The following MAP2K1 variants were observed in gnomAD, a reference collection of about 807,000 sequenced individuals.
MAP2K1 encodes the protein dual specificity mitogen-activated protein kinase kinase 1.
In MAP2K1, 16 loss-of-function variants were observed where a neutral mutation model predicts 46.3. The ratio of observed to expected loss-of-function variants is 0.35; its 90% confidence interval spans 0.23 to 0.52. The LOEUF (loss-of-function observed/expected upper bound fraction) is 0.52, where lower values mean the gene tolerates loss of function less well. MAP2K1 is among the 20% of genes least tolerant of loss of function. The pLI, the probability that MAP2K1 is intolerant of heterozygous loss-of-function variation, is 0.94. For missense variants in MAP2K1, 263 were observed against 497.1 expected (o/e 0.53, Z 4.48); for synonymous variants, 183 against 185.6 (o/e 0.99, Z 0.11).
At chr15:66,475,236 T>C (rs1892728701) in intron 5 of MAP2K1, among the ~76,000 whole-genome samples, 1 of 152,236 alleles carries the variant, frequency 6.6e-6, no homozygotes, top group African/African-American at 2.4e-5. Context: ...GTCAGCTCCC[T>C]TTCTCTCTGT....
intron 1 of MAP2K1, among the ~76,000 whole-genome samples, chr15:66,430,315 C>T (rs543567905): frequency 1.3e-5 from 2 of 152,276 alleles, no homozygotes; most frequent in Middle Eastern, 3.4e-3. Flanking sequence ...CCCACCTGCA[C>T]GGGGACCCTT....
At position 66,489,231 on chromosome 15, in the gene MAP2K1, C is replaced by A. The variant is rs2140682960; in HGVS notation, c.977C>A (p.Pro326His). 1 of 1,613,968 alleles carries A rather than the reference C, an allele frequency of 6.2e-7. No individual in the cohort carries two copies. The highest frequency in any genetic ancestry group is 8.5e-7 in the Non-Finnish European group (1 of 1,179,938). The change falls in exon 9 of 11, where the codon CCC (proline) becomes CAC (histidine). Residue 326 changes from proline to histidine, a missense_variant. Coordinates refer to ENST00000307102, the MANE Select transcript of MAP2K1 (RefSeq NM_002755.4). ...YIVNEPPPKL[P>H]SGVFSLEFQD... is the part of the protein sequence containing the mutation. Reference sequence around the variant, plus strand: ...TGTTTGCAGCCTCCTCCAAAACTGCCCAGTGGAGTGTTCAGTCTGGAATTT... The same window carrying A: ...TGTTTGCAGCCTCCTCCAAAACTGCACAGTGGAGTGTTCAGTCTGGAATTT...
At chr15:66,438,442 T>G (rs548988581) in intron 3 of MAP2K1, among the ~76,000 whole-genome samples, 19 of 152,310 alleles carry the variant, frequency 1.2e-4, no homozygotes, top group African/African-American at 4.6e-4. Flanking sequence ...GGCTTCTTCA[T>G]TTACATTGAC....
intron 1 of MAP2K1, among the ~76,000 whole-genome samples, chr15:66,392,183 T>C (rs2093357386): frequency 6.6e-6 from 1 of 151,154 alleles, no homozygotes; most frequent in Non-Finnish European, 1.5e-5. Context: ...CATGTGGCCA[T>C]GTTGACCTTC....
intron 1 of MAP2K1, among the ~76,000 whole-genome samples, chr15:66,398,663 A>T (rs978613776): frequency 1.3e-5 from 2 of 152,158 alleles, no homozygotes; most frequent in African/African-American, 4.8e-5. Flanking sequence ...AAAACAAAAC[A>T]GAAAAAAAAA....
At chr15:66,403,248 T>C (rs991831003) in intron 1 of MAP2K1, among the ~76,000 whole-genome samples, 2 of 152,222 alleles carry the variant, frequency 1.3e-5, no homozygotes, top group Admixed American at 6.5e-5. Flanking sequence ...CAACATTAAA[T>C]TTTGGTAACT....
At chr15:66,453,458 T>G (rs1271387073) in intron 5 of MAP2K1, 1 of 702,076 alleles carries the variant, frequency 1.4e-6, no homozygotes, top group Middle Eastern at 2.3e-4. Flanking sequence ...TTACAAGTCT[T>G]CTCCAGAAGC....
At chr15:66,449,654 G>A (rs1891981186) in intron 5 of MAP2K1, among the ~76,000 whole-genome samples, 1 of 152,180 alleles carries the variant, frequency 6.6e-6, no homozygotes, top group South Asian at 2.1e-4. Flanking sequence ...GCCGAGGTGG[G>A]TGGATCACCT....
intron 8 of MAP2K1, chr15:66,488,976 A>AT: frequency 3.4e-6 from 2 of 595,668 alleles, no homozygotes; most frequent in Admixed American, 2.9e-5. Flanking sequence ...AGTGGACTTG[A>AT]CTTGGTCCCA....
chr15:66,392,293 G>A lies in MAP2K1; in HGVS notation c.80+4866G>A, dbSNP rs184313307. On this transcript the variant is annotated intron_variant, in intron 1 of 10. Transcript: ENST00000307102. ...TTTTTTTTTTTTAAGAAAGGGTTTC[G>A]CTCCCACTGCCCAGGCTGGAGTATA... Among the ~76,000 whole-genome samples, 456 of 96,810 alleles carry A rather than the reference G, an allele frequency of 4.7e-3. 1 individual carries two copies. The highest frequency in any genetic ancestry group is 0.02 in the African/African-American group (432 of 21,442). 63.5% of individuals were successfully genotyped at this position (96,810 alleles called of 152,430 possible).
At chr15:66,455,792 A>C (rs945580855) in intron 5 of MAP2K1, among the ~76,000 whole-genome samples, 3 of 152,216 alleles carry the variant, frequency 2.0e-5, no homozygotes, top group Admixed American at 2.0e-4. Flanking sequence ...GAATAAGTTC[A>C]ACTGACAGTC....
At chr15:66,463,975 AT>A (rs1457367054) in intron 5 of MAP2K1, among the ~76,000 whole-genome samples, 3 of 152,222 alleles carry the variant, frequency 2.0e-5, no homozygotes, top group African/African-American at 4.8e-5. Flanking sequence ...GCAGTCAGAT[AT>A]GCATTTATCT....
intron 1 of MAP2K1, among the ~76,000 whole-genome samples, chr15:66,404,918 C>G (rs1205463125): frequency 2.0e-5 from 3 of 152,256 alleles, no homozygotes; most frequent in African/African-American, 4.8e-5. Flanking sequence ...TCTGTAGGAC[C>G]ACTGCTGTTA....
intron 1 of MAP2K1, among the ~76,000 whole-genome samples, chr15:66,407,070 T>G (rs1026380468): frequency 1.3e-5 from 2 of 152,102 alleles, no homozygotes; most frequent in Non-Finnish European, 2.9e-5. Context: ...ACACAGGGTT[T>G]TCCAACTGCC....
chr15:66,424,318 A>G (rs1404755801), intron 1 of MAP2K1, among the ~76,000 whole-genome samples: 2 of 152,164 alleles, frequency 1.3e-5, no homozygotes, highest in Admixed American at 1.3e-4. Flanking sequence ...TCGGCCTCCC[A>G]AAGTGCTGGG....
At chr15:66,438,189 T>C (rs1008032714) in intron 3 of MAP2K1, among the ~76,000 whole-genome samples, 5 of 151,642 alleles carry the variant, frequency 3.3e-5, no homozygotes, top group African/African-American at 1.2e-4. Flanking sequence ...CAGGTTCAAG[T>C]GATTCCCCTG....
chr15:66,448,193 C>G (rs980683734), intron 5 of MAP2K1, among the ~76,000 whole-genome samples: 1 of 150,398 alleles, frequency 6.6e-6, no homozygotes, highest in South Asian at 2.1e-4. Context: ...TCCCCCTTTC[C>G]CCATCCACTG....
intron 1 of MAP2K1, among the ~76,000 whole-genome samples, chr15:66,395,146 C>T (rs2093364553): frequency 6.6e-6 from 1 of 152,200 alleles, no homozygotes; most frequent in Non-Finnish European, 1.5e-5. Context: ...CCTGAAACCA[C>T]AGATATCAAT....
intron 5 of MAP2K1, 194 bp downstream of exon 5, chr15:66,444,901 A>G (rs753677659): frequency 2.4e-5 from 14 of 590,738 alleles, no homozygotes; most frequent in Middle Eastern, 4.7e-4. Flanking sequence ...TGCTACACCT[A>G]TTGCCTATAG....
Sources: allele counts gnomAD v4.1 joint callset (sites outside exome capture counted in the v4.1 genomes callset), GRCh38; gene constraint gnomAD v4.1.1; transcripts MANE v1.5; gene names NCBI Gene and HGNC (gene_info 2026-07-23, HGNC 2026-07-21).